Variants in STX3 observed in about 807,000 individuals in gnomAD.
The protein encoded by STX3 is syntaxin 3, also known as syntaxin-3.
In STX3, 19 loss-of-function variants were observed where a neutral mutation model predicts 40.2. The observed-to-expected ratio is 0.47, with a 90% CI of 0.33 to 0.69. The LOEUF (loss-of-function observed/expected upper bound fraction) is 0.69, where lower values mean the gene tolerates loss of function less well. STX3 is among the 30% of genes least tolerant of loss of function. STX3 has a pLI of 0.02. For synonymous variants in STX3, 122 were observed against 132.2 expected (o/e 0.92, Z 0.53); for missense variants, 364 against 366.7 (o/e 0.99, Z 0.06).
intron 2 of STX3, among the ~76,000 whole-genome samples, chr11:59,782,985 C>A (rs1244232806): frequency 6.7e-6 from 1 of 149,104 alleles, no homozygotes; most frequent in African/African-American, 2.5e-5. Context: ...GGCAACAGAG[C>A]AAGGCTTTGT....
At position 59,763,155 on chromosome 11, in the gene STX3, T is replaced by C. The variant is rs1863123008; in HGVS notation, c.30+7520T>C. On this transcript the variant is annotated intron_variant, in intron 1 of 10. Coordinates refer to ENST00000337979, the MANE Select transcript of STX3 (RefSeq NM_004177.5). ...AGAATGAACAAATGAATCTGTTACTTTGCATGGAACATTGTGGCTGTGCTG... is the reference window on the plus strand; with the variant it reads ...AGAATGAACAAATGAATCTGTTACTCTGCATGGAACATTGTGGCTGTGCTG... 2.6e-5 allele frequency among the ~76,000 whole-genome samples: 4 copies of C among 152,170 alleles called. No individual in the cohort carries two copies. In the East Asian group the frequency reaches 7.7e-4, roughly 29 times the overall value.
At chr11:59,785,666 C>T (rs1291683146) in intron 2 of STX3, among the ~76,000 whole-genome samples, 1 of 152,118 alleles carries the variant, frequency 6.6e-6, no homozygotes, top group Non-Finnish European at 1.5e-5. Flanking sequence ...GAGCTATAAT[C>T]AGGTTTTGAA....
Position 59,799,777 on chromosome 11 carries a change from G to A in STX3, c.*31-1078G>A, listed in dbSNP as rs1319209428. ...ACTTCATCTTGAAAGATAAGCAACA[G>A]TGAGATGAACAACCTCTCATAGACA... On this transcript the variant is annotated intron_variant, in intron 10 of 10. Coordinates refer to ENST00000337979, the MANE Select transcript of STX3 (RefSeq NM_004177.5). 3 of 985,204 alleles carry A rather than the reference G, an allele frequency of 3.0e-6. No individual in the cohort carries two copies. In the African/African-American group the frequency reaches 5.2e-5, roughly 17 times the overall value. 61.0% of individuals were successfully genotyped at this position (985,204 alleles called of 1,614,324 possible).
Position 59,802,769 on chromosome 11 carries a change from A to T in STX3, c.*1945A>T, listed in dbSNP as rs1387040387. On this transcript the variant is annotated 3_prime_UTR_variant, in exon 11 of 11. Coordinates refer to ENST00000337979, the MANE Select transcript of STX3 (RefSeq NM_004177.5). ...CTGGTGCCACCATGTGGTGATTTTT[A>T]TTCAGGTTTTAGAATGCAGTTCACA... is the stretch of plus-strand genomic sequence containing the variant. The T allele has an allele frequency of 3.0e-6, 3 of 986,032 alleles. No homozygotes were observed. The highest frequency in any genetic ancestry group is 3.5e-5 in the African/African-American group (2 of 57,268). The allele number at this position is 986,032 out of a possible 1,614,324, so 61.1% of individuals were successfully genotyped here.
In STX3 at chr11:59,805,176, T is replaced by TAAAAAAAAAA. The variant is rs371101239; in HGVS notation, c.*4359_*4368dup. The TAAAAAAAAAA allele has an allele frequency of 1.2e-5, 1 of 80,686 alleles. No homozygotes were observed. Among genetic ancestry groups the TAAAAAAAAAA allele is most frequent in the African/African-American group, 4.0e-5 (1 of 24,716 alleles). 5.0% of individuals were successfully genotyped at this position (80,686 alleles called of 1,614,324 possible). A position where few individuals can be genotyped will look rare whatever the true frequency, so the allele number is the denominator to read the frequency against. On this transcript the variant is annotated 3_prime_UTR_variant, in exon 11 of 11. Transcript: ENST00000337979. ...TGGGCAACAAGAGCTAAATTCCATC[T>TAAAAAAAAAA]AAAAAAAAAAAAAAAACAAAAAAAA... is the stretch of plus-strand genomic sequence containing the variant.
intron 1 of STX3, among the ~76,000 whole-genome samples, chr11:59,768,812 A>G (rs556831675): frequency 6.6e-6 from 1 of 152,240 alleles, no homozygotes; most frequent in South Asian, 2.1e-4. Flanking sequence ...TTGTAATGGT[A>G]CAGGGTCTGC....
At chr11:59,786,303 G>A (rs1189003750) in intron 2 of STX3, among the ~76,000 whole-genome samples, 29 of 147,252 alleles carry the variant, frequency 2.0e-4, no homozygotes, top group Non-Finnish European at 3.7e-4. Flanking sequence ...GCAGTGGTGC[G>A]AACTCGGCTC....
chr11:59,802,576 T>C lies in STX3; in HGVS notation c.*1752T>C, dbSNP rs1865929127. 2 of 985,884 alleles carry C rather than the reference T, an allele frequency of 2.0e-6. No homozygotes were observed. The highest frequency in any genetic ancestry group is 4.7e-5 in the South Asian group (1 of 21,288). The allele number at this position is 985,884 out of a possible 1,614,324, so 61.1% of individuals were successfully genotyped here. ...TAAAGGCCTTTGCTCTCCTCTGACA[T>C]TGAGGCCTGGGGCTTACAGTTTGGA... On this transcript the variant is annotated 3_prime_UTR_variant, in exon 11 of 11. Transcript: ENST00000337979.
chr11:59,800,913 T>A lies in STX3; in HGVS notation c.*89T>A. On this transcript the variant is annotated 3_prime_UTR_variant, in exon 11 of 11. Transcript: ENST00000337979. ...CTTGTCTTCAGATGAGAATGGAGTC[T>A]GAATGGCCTTCCTGAGAGCGAGTGC... 1.3e-6 allele frequency: 2 copies of A among 1,536,284 alleles called. No homozygotes were observed. The highest frequency in any genetic ancestry group is 1.7e-6 in the Non-Finnish European group (2 of 1,146,884).
chr11:59,770,008 G>A (rs1399132024), intron 1 of STX3, among the ~76,000 whole-genome samples: 1 of 150,806 alleles, frequency 6.6e-6, no homozygotes, highest in African/African-American at 2.4e-5. Context: ...GTGTGTGGGT[G>A]TATGTGTGGA....
intron 5 of STX3, among the ~76,000 whole-genome samples, chr11:59,791,123 A>G (rs902419836): frequency 1.4e-4 from 21 of 152,210 alleles, no homozygotes; most frequent in Non-Finnish European, 2.6e-4. Flanking sequence ...GCTGGGCCAG[A>G]GTGCCAACAT....
chr11:59,769,484 T>A (rs1863450281), intron 1 of STX3, among the ~76,000 whole-genome samples: 2 of 152,166 alleles, frequency 1.3e-5, no homozygotes, highest in East Asian at 3.8e-4. Flanking sequence ...TCAGAGAGGT[T>A]TGGGACTTGA....
At chr11:59,797,117 A>G (rs1865566667) in intron 9 of STX3, among the ~76,000 whole-genome samples, 166 bp from the exon 10 acceptor site, 1 of 152,212 alleles carries the variant, frequency 6.6e-6, no homozygotes, top group African/African-American at 2.4e-5. Context: ...TCTTAAAAAT[A>G]AATGAAGTAT....
chr11:59,761,358 C>G (rs535444702), intron 1 of STX3, among the ~76,000 whole-genome samples: 3 of 152,266 alleles, frequency 2.0e-5, no homozygotes, highest in Admixed American at 6.5e-5. Flanking sequence ...CCTCGGACCC[C>G]GCAAACTTTA....
rs1340017934 is a variant in STX3, at chr11:59,793,520, T to C, written c.675+6T>C. On this transcript the variant is annotated splice_donor_region_variant and intron_variant, in intron 8 of 10. Coordinates refer to ENST00000337979, the MANE Select transcript of STX3 (RefSeq NM_004177.5). Reference sequence around the variant, plus strand: ...CCATGCTGGTGGAGAATCAGGTAAGTGGCAGTGAGTCCCAGCGTGGGGAGG... The same window carrying C: ...CCATGCTGGTGGAGAATCAGGTAAGCGGCAGTGAGTCCCAGCGTGGGGAGG... 1.2e-6 allele frequency: 2 copies of C among 1,611,546 alleles called. No homozygotes were observed. The highest frequency in any genetic ancestry group is 2.7e-5 in the African/African-American group (2 of 74,806).
At chr11:59,755,866 C>T (rs1385980978) in intron 1 of STX3, among the ~76,000 whole-genome samples, 1 of 152,188 alleles carries the variant, frequency 6.6e-6, no homozygotes, top group African/African-American at 2.4e-5. Flanking sequence ...TCTAACTCTC[C>T]CACCCCGCAA....
At chr11:59,793,038 C>G in intron 6 of STX3, 61 bp from the exon 7 acceptor site, 1 of 1,554,696 alleles carries the variant, frequency 6.4e-7, no homozygotes, top group Non-Finnish European at 8.8e-7. Flanking sequence ...TTTCAGGGTC[C>G]TTATCAGATG....
intron 1 of STX3, among the ~76,000 whole-genome samples, chr11:59,762,990 A>G (rs1863113873): frequency 6.6e-6 from 1 of 152,184 alleles, no homozygotes; most frequent in African/African-American, 2.4e-5. Context: ...CCTTGAATTC[A>G]GGCAAGGTTG....
chr11:59,765,230 A>T (rs968899191), intron 1 of STX3, among the ~76,000 whole-genome samples: 1 of 152,220 alleles, frequency 6.6e-6, no homozygotes, highest in Non-Finnish European at 1.5e-5. Flanking sequence ...GAGAAATCAC[A>T]GCTTAGTGAG....
Sources: allele counts gnomAD v4.1 joint callset (sites outside exome capture counted in the v4.1 genomes callset), GRCh38; gene constraint gnomAD v4.1.1; transcripts MANE v1.5; gene names NCBI Gene and HGNC (gene_info 2026-07-23, HGNC 2026-07-21).